Variants in DNAJC5 observed in about 807,000 individuals in gnomAD.
The protein encoded by DNAJC5 is DnaJ heat shock protein family (Hsp40) member C5, also known as dnaJ homolog subfamily C member 5.
In DNAJC5, 1 loss-of-function variant was observed where a neutral mutation model predicts 23.2. That is an observed-to-expected ratio of 0.04 (90% CI 0.02 to 0.20). The LOEUF (loss-of-function observed/expected upper bound fraction) is 0.20, where lower values mean the gene tolerates loss of function less well. Among genes scored for constraint, DNAJC5 ranks in the 10% least tolerant of loss-of-function variants. The pLI, the probability that DNAJC5 is intolerant of heterozygous loss-of-function variation, is 1.00. For missense variants in DNAJC5, 180 were observed against 267.0 expected, an observed-to-expected ratio of 0.67 and a Z score of 2.27; for synonymous variants, 136 against 120.0, an observed-to-expected ratio of 1.13 and a Z score of -0.87.
At chr20:63,906,591 T>C (rs1042525857) in intron 1 of DNAJC5, among the ~76,000 whole-genome samples, 1 of 152,014 alleles carries the variant, frequency 6.6e-6, no homozygotes, top group Non-Finnish European at 1.5e-5. Context: ...GAGACCATCC[T>C]GGCTAACACG....
intron 1 of DNAJC5, among the ~76,000 whole-genome samples, chr20:63,908,046 G>A (rs144307609): frequency 3.9e-4 from 60 of 152,344 alleles, no homozygotes; most frequent in Middle Eastern, 3.4e-3. Flanking sequence ...GATTACAGGC[G>A]TGAGCCACTG....
rs190688878 is a variant in DNAJC5, at chr20:63,902,305, C to T, written c.-12+6982C>T. On this transcript the variant is annotated intron_variant, in intron 1 of 4. Coordinates refer to ENST00000360864, the MANE Select transcript of DNAJC5 (RefSeq NM_025219.3). Reference sequence around the variant, plus strand: ...TCCTGACCTTGTGATCCGCCCAGCTCGGCCTCCGAAAGTGCTGGGATTACA... The same window carrying T: ...TCCTGACCTTGTGATCCGCCCAGCTTGGCCTCCGAAAGTGCTGGGATTACA... Among the ~76,000 whole-genome samples the T allele has an allele frequency of 4.9e-3, 747 of 151,138 alleles. 4 individuals carry two copies. The highest frequency in any genetic ancestry group is 0.017 in the African/African-American group (703 of 41,162).
chr20:63,915,842 C>T (rs796372721), intron 1 of DNAJC5, among the ~76,000 whole-genome samples: 3 of 152,182 alleles, frequency 2.0e-5, no homozygotes, highest in Admixed American at 6.5e-5. Context: ...TTTAAAATTT[C>T]CAGTGTCACA....
Position 63,929,361 on chromosome 20 carries a change from G to A in DNAJC5, c.157G>A (p.Ala53Thr), listed in dbSNP as rs750037969. ...HPDKNPDNPE[A>T]ADKFKEINNA... Reference sequence around the variant, plus strand: ...CGACAAGAACCCCGACAACCCGGAGGCCGCGGACAAGTTTAAGGAGATCAA... The same window carrying A: ...CGACAAGAACCCCGACAACCCGGAGACCGCGGACAAGTTTAAGGAGATCAA... The change falls in exon 3 of 5, where the codon GCC (alanine) becomes ACC (threonine). Residue 53 changes from alanine to threonine, a missense_variant. By Grantham distance (58) the Ala-to-Thr change is moderately conservative. Around this residue, in one of 3 missense-constraint regions of DNAJC5, gnomAD observed 77 missense variants for 106.8 expected, o/e 0.72. Coordinates refer to ENST00000360864, the MANE Select transcript of DNAJC5 (RefSeq NM_025219.3). The surrounding 1 kb of genome is among the most constrained non-coding windows in gnomAD (Gnocchi z 8.6). The A allele has an allele frequency of 8.1e-6, 13 of 1,614,006 alleles. No homozygotes were observed. The highest frequency in any genetic ancestry group is 1.0e-5 in the Non-Finnish European group (12 of 1,180,036).
chr20:63,902,886 C>T (rs920340769), intron 1 of DNAJC5, among the ~76,000 whole-genome samples: 136 of 147,114 alleles, frequency 9.2e-4, no homozygotes, highest in African/African-American at 3.1e-3. Flanking sequence ...ATCGTGTTAG[C>T]CAGGATGGTC....
At chr20:63,915,512 T>A (rs942466835) in intron 1 of DNAJC5, among the ~76,000 whole-genome samples, 4 of 152,160 alleles carry the variant, frequency 2.6e-5, no homozygotes, top group African/African-American at 7.2e-5. Flanking sequence ...TTGTAACATT[T>A]TTAACCAGTG....
At chr20:63,930,313 A>G (rs1025950637) in intron 3 of DNAJC5, among the ~76,000 whole-genome samples, 3 of 150,656 alleles carry the variant, frequency 2.0e-5, no homozygotes, top group Admixed American at 1.3e-4. Flanking sequence ...GAACTGCAGG[A>G]GTTGAGGCGT....
chr20:63,915,498 A>G (rs182730044), intron 1 of DNAJC5, among the ~76,000 whole-genome samples: 10 of 152,172 alleles, frequency 6.6e-5, no homozygotes, highest in African/African-American at 2.4e-4. Flanking sequence ...GAACTGGAAG[A>G]TACTTGTAAC....
At chr20:63,906,379 A>G (rs1328291672) in intron 1 of DNAJC5, among the ~76,000 whole-genome samples, 1 of 152,036 alleles carries the variant, frequency 6.6e-6, no homozygotes, top group Non-Finnish European at 1.5e-5. Flanking sequence ...AATTCCAGCT[A>G]CTCAGGAGGC....
At position 63,932,914 on chromosome 20, in the gene DNAJC5, C is replaced by T. The variant is rs1482916797; in HGVS notation, c.*1346C>T. The T allele has an allele frequency of 1.3e-5, 2 of 152,494 alleles. No homozygotes were observed. The highest frequency in any genetic ancestry group is 2.9e-5 in the Non-Finnish European group (2 of 68,156). 9.4% of individuals were successfully genotyped at this position (152,494 alleles called of 1,614,324 possible). On this transcript the variant is annotated 3_prime_UTR_variant, in exon 5 of 5. Coordinates refer to ENST00000360864, the MANE Select transcript of DNAJC5 (RefSeq NM_025219.3). The surrounding 1 kb of genome is among the most constrained non-coding windows in gnomAD (Gnocchi z 4.4). ...CATGGGAAGTCAGTCTCTTGCGTGT[C>T]CTAGACCTTGTGGGTGGCGCCCTGC...
Position 63,931,096 on chromosome 20 carries a change from T to A in DNAJC5, c.493+74T>A. 1 of 1,511,428 alleles carries A rather than the reference T, an allele frequency of 6.6e-7. No individual in the cohort carries two copies. The highest frequency in any genetic ancestry group is 9.1e-7 in the Non-Finnish European group (1 of 1,098,202). The allele number at this position is 1,511,428 out of a possible 1,614,324, so 93.6% of individuals were successfully genotyped here. ...ATGGGCCCTGAATGGTGTCAACCTGTCTTGTCAAACAGGAGGGCACTGACA... is the reference window on the plus strand; with the variant it reads ...ATGGGCCCTGAATGGTGTCAACCTGACTTGTCAAACAGGAGGGCACTGACA... On this transcript the variant is annotated intron_variant, in intron 4 of 4. Transcript: ENST00000360864. The surrounding 1 kb of genome is among the most constrained non-coding windows in gnomAD (Gnocchi z 9.6).
Position 63,928,390 on chromosome 20 carries a change from A to T in DNAJC5, c.45A>T (p.Ser15=). The T allele has an allele frequency of 1.2e-6, 2 of 1,614,066 alleles. No individual in the cohort carries two copies. The highest frequency in any genetic ancestry group is 3.3e-4 in the Middle Eastern group (2 of 6,062). ...GCTCACTGTCTACCTCTGGGGAGTC[A>T]TTGTACCACGTCCTTGGGTTGGACA... The part of the protein sequence containing the change: ...RQRSLSTSGE[S]LYHVLGLDKN... Residue 15 remains serine (S), a synonymous_variant, in exon 2 of 5, where the codon TCA becomes TCT. Coordinates refer to ENST00000360864, the MANE Select transcript of DNAJC5 (RefSeq NM_025219.3). The surrounding 1 kb of genome is among the most constrained non-coding windows in gnomAD (Gnocchi z 4.6).
At chr20:63,913,025 G>GTA (rs2053491568) in intron 1 of DNAJC5, among the ~76,000 whole-genome samples, 2 of 76,424 alleles carry the variant, frequency 2.6e-5, no homozygotes, top group African/African-American at 1.6e-4. Context: ...TTTTTTTTTT[G>GTA]TATAGAATGA....
In DNAJC5 at chr20:63,928,460, G is replaced by T. The variant is rs2053633876; in HGVS notation, c.107+8G>T. The stretch of plus-strand genomic sequence containing the variant: ...CATTAAAAAGTCCTATCGGTAAGTG[G>T]ACAAGTGTGGCCCCCACATCCCCCC... On this transcript the variant is annotated splice_region_variant and intron_variant, in intron 2 of 4. Transcript: ENST00000360864. This position sits in a 1 kb window ranked among gnomAD's most constrained non-coding sequence, Gnocchi z 4.6. 4 of 1,611,254 alleles carry T rather than the reference G, an allele frequency of 2.5e-6. No homozygotes were observed. The East Asian group carries it at 8.9e-5, about 36-fold the overall frequency.
At chr20:63,907,499 T>A (rs1260311823) in intron 1 of DNAJC5, among the ~76,000 whole-genome samples, 1 of 152,124 alleles carries the variant, frequency 6.6e-6, no homozygotes, top group African/African-American at 2.4e-5. Flanking sequence ...AGGTGTTGAG[T>A]AACTTGCCTG....
chr20:63,914,085 A>G (rs1335294133), intron 1 of DNAJC5, among the ~76,000 whole-genome samples: 1 of 151,944 alleles, frequency 6.6e-6, no homozygotes, highest in Non-Finnish European at 1.5e-5. Flanking sequence ...CGGGACGCTC[A>G]CCGTTGGCCG....
chr20:63,933,687 G>A lies in DNAJC5; in HGVS notation c.*2119G>A, dbSNP rs1009188573. The A allele has an allele frequency of 1.3e-5, 2 of 152,392 alleles. No homozygotes were observed. The highest frequency in any genetic ancestry group is 2.9e-5 in the Non-Finnish European group (2 of 68,050). 9.4% of individuals were successfully genotyped at this position (152,392 alleles called of 1,614,324 possible). A position where few individuals can be genotyped will look rare whatever the true frequency, so the allele number is the denominator to read the frequency against. On this transcript the variant is annotated 3_prime_UTR_variant, in exon 5 of 5. Coordinates refer to ENST00000360864, the MANE Select transcript of DNAJC5 (RefSeq NM_025219.3). ...GCTGTACTCAGCCTTTGCAATTTTT[G>A]TAGATGTAGCTTAGGACGTGAGTTA...
In DNAJC5 at chr20:63,929,168, G is replaced by A; in HGVS notation, c.108-144G>A. ...CTTGCTTTTGTCCCTGGCCCCTGCA[G>A]CCCTGGAGAGTCGGACAGTGAGGTG... On this transcript the variant is annotated intron_variant, in intron 2 of 4. Coordinates refer to ENST00000360864, the MANE Select transcript of DNAJC5 (RefSeq NM_025219.3). The surrounding 1 kb of genome is among the most constrained non-coding windows in gnomAD (Gnocchi z 8.6). 1 of 969,586 alleles carries A rather than the reference G, an allele frequency of 1.0e-6. No homozygotes were observed. The highest frequency in any genetic ancestry group is 1.6e-6 in the Non-Finnish European group (1 of 625,660). 60.1% of individuals were successfully genotyped at this position (969,586 alleles called of 1,614,324 possible).
rs565007932 is a variant in DNAJC5, at chr20:63,925,363, G to A, written c.-11-2972G>A. On this transcript the variant is annotated intron_variant, in intron 1 of 4. Transcript: ENST00000360864. ...CCTGGGCGTGGTTCGCGTGCCTGTA[G>A]TCCCAGTGACTTGGGAGGCTGAAGC... 6.6e-5 allele frequency among the ~76,000 whole-genome samples: 10 copies of A among 152,244 alleles called. No individual in the cohort carries two copies. The South Asian group carries it at 1.9e-3, about 28-fold the overall frequency.
Sources: allele counts gnomAD v4.1 joint callset (sites outside exome capture counted in the v4.1 genomes callset), GRCh38; gene constraint gnomAD v4.1.1; regional missense constraint gnomAD v4.1.1; non-coding constraint Gnocchi (gnomAD v3.1); transcripts MANE v1.5; gene names NCBI Gene and HGNC (gene_info 2026-07-23, HGNC 2026-07-21).